KHDRBS2: variants seen among roughly 807,000 people sequenced by gnomAD.
KHDRBS2 encodes the protein KH RNA binding domain containing, signal transduction associated 2, also known as KH domain-containing, RNA-binding, signal transduction-associated protein 2.
KHDRBS2 carries 26 observed loss-of-function variants against 44.3 expected under a neutral mutation model. The ratio of observed to expected loss-of-function variants is 0.59; its 90% CI spans 0.43 to 0.81. The LOEUF is 0.81. Among genes scored for constraint, KHDRBS2 ranks in the 40% least tolerant of loss-of-function variants. KHDRBS2 has a pLI of 0.00. For synonymous variants in KHDRBS2, 194 were observed against 151.1 expected, an observed-to-expected ratio of 1.28 and a Z score of -2.08; for missense variants, 476 against 433.1, an observed-to-expected ratio of 1.10 and a Z score of -0.88.
chr6:61,543,850 C>A, the KHDRBS2 span, among the ~76,000 whole-genome samples: 1 of 152,004 alleles, frequency 6.6e-6, no homozygotes, highest in African/African-American at 2.4e-5. Flanking sequence ...ATGCCAGGCA[C>A]AGAAACACAA....
chr6:61,594,387 G>A, the KHDRBS2 span, among the ~76,000 whole-genome samples: 2 of 152,126 alleles, frequency 1.3e-5, no homozygotes, highest in South Asian at 2.1e-4. Context: ...TAGTCCAATT[G>A]TATGATCTTA....
chr6:61,726,820 C>T (rs1329065273), intron 7 of KHDRBS2, among the ~76,000 whole-genome samples: 1 of 152,044 alleles, frequency 6.6e-6, no homozygotes, highest in Non-Finnish European at 1.5e-5. Context: ...TAGGAAGAAT[C>T]AATATCATGA....
chr6:61,901,014 T>G (rs1198862164), intron 5 of KHDRBS2, among the ~76,000 whole-genome samples: 6 of 151,588 alleles, frequency 4.0e-5, no homozygotes, highest in Non-Finnish European at 5.9e-5. Flanking sequence ...CTTTCTCTAC[T>G]TCAATTTCTC....
At chr6:61,827,995 T>TC (rs1279286299) in intron 6 of KHDRBS2, among the ~76,000 whole-genome samples, 1 of 151,912 alleles carries the variant, frequency 6.6e-6, no homozygotes, top group Non-Finnish European at 1.5e-5. Context: ...ACAATTTAAA[T>TC]CCCCCCTGTT....
chr6:61,870,380 C>T (rs1798488123), intron 6 of KHDRBS2, among the ~76,000 whole-genome samples: 1 of 152,166 alleles, frequency 6.6e-6, no homozygotes, highest in Non-Finnish European at 1.5e-5. Flanking sequence ...GAAAAAAAGG[C>T]AGCAGCCTCA....
At chr6:62,114,026 A>G (rs555144395) in intron 2 of KHDRBS2, among the ~76,000 whole-genome samples, 38 of 152,216 alleles carry the variant, frequency 2.5e-4, no homozygotes, top group African/African-American at 8.4e-4. Flanking sequence ...GGCAGGAGAG[A>G]TAAGCGCAAA....
intron 7 of KHDRBS2, among the ~76,000 whole-genome samples, chr6:61,718,276 T>A (rs1771775144): frequency 6.6e-6 from 1 of 152,094 alleles, no homozygotes; most frequent in Admixed American, 6.6e-5. Context: ...AACCTATTTT[T>A]CCACCAAATG....
At chr6:61,958,068 A>G (rs571627077) in intron 4 of KHDRBS2, among the ~76,000 whole-genome samples, 3 of 152,142 alleles carry the variant, frequency 2.0e-5, no homozygotes, top group Non-Finnish European at 4.4e-5. Context: ...CCTATTCTCA[A>G]TCATAAAGTT....
intron 1 of KHDRBS2, among the ~76,000 whole-genome samples, chr6:62,244,134 G>A (rs1483503683): frequency 6.6e-6 from 1 of 152,038 alleles, no homozygotes; most frequent in African/African-American, 2.4e-5. Context: ...TTTGCCAACA[G>A]TTTATGTAGG....
chr6:61,581,515 T>A, the KHDRBS2 span, among the ~76,000 whole-genome samples: 1 of 148,730 alleles, frequency 6.7e-6, no homozygotes, highest in Non-Finnish European at 1.5e-5. Flanking sequence ...AAATAATGTA[T>A]ATATAATATA....
At chr6:61,563,115 C>T in the KHDRBS2 span, among the ~76,000 whole-genome samples, 2 of 152,094 alleles carry the variant, frequency 1.3e-5, no homozygotes, top group African/African-American at 4.8e-5. Flanking sequence ...ACTGGTTCCC[C>T]AGCTATCTTT....
the KHDRBS2 span, among the ~76,000 whole-genome samples, chr6:61,552,193 G>A: frequency 6.6e-6 from 1 of 152,046 alleles, no homozygotes; most frequent in South Asian, 2.1e-4. Flanking sequence ...ATTTCTTTGA[G>A]TAGTGTTTTG....
At chr6:61,987,470 A>C (rs778314085) in intron 3 of KHDRBS2, among the ~76,000 whole-genome samples, 2 of 152,156 alleles carry the variant, frequency 1.3e-5, no homozygotes, top group African/African-American at 4.8e-5. Context: ...TCAGAGTTAT[A>C]ATTTACTAAA....
chr6:62,156,505 CTT>C (rs984776227), intron 2 of KHDRBS2, among the ~76,000 whole-genome samples: 2 of 152,016 alleles, frequency 1.3e-5, no homozygotes, highest in Admixed American at 1.3e-4. Context: ...AAAATAAAAA[CTT>C]TTAAGACTGT....
chr6:62,252,148 CA>C (rs569190643), intron 1 of KHDRBS2, among the ~76,000 whole-genome samples: 2 of 151,396 alleles, frequency 1.3e-5, no homozygotes, highest in African/African-American at 4.8e-5. Context: ...TAGGCTTTGA[CA>C]AAAAAATAAA....
At chr6:61,543,484 T>C in the KHDRBS2 span, among the ~76,000 whole-genome samples, 35 of 152,132 alleles carry the variant, frequency 2.3e-4, no homozygotes, top group Non-Finnish European at 4.1e-4. Flanking sequence ...GGAACCCTCA[T>C]ACACTAATTG....
At chr6:61,957,329 A>T (rs1767601035) in intron 4 of KHDRBS2, among the ~76,000 whole-genome samples, 5 of 152,210 alleles carry the variant, frequency 3.3e-5, no homozygotes, top group Admixed American at 2.6e-4. Flanking sequence ...AGCAATGTTC[A>T]GGGAACAAGG....
chr6:61,823,351 A>G (rs1361810822), intron 6 of KHDRBS2, among the ~76,000 whole-genome samples: 1 of 152,040 alleles, frequency 6.6e-6, no homozygotes, highest in South Asian at 2.1e-4. Context: ...AACCAAATAC[A>G]TTTTCTGATA....
chr6:62,182,821 T>C (rs1371955809), intron 1 of KHDRBS2, among the ~76,000 whole-genome samples: 3 of 151,918 alleles, frequency 2.0e-5, no homozygotes, highest in African/African-American at 7.2e-5. Context: ...CTCCCCTATA[T>C]GTATAGTTTA....
Sources: allele counts gnomAD v4.1 joint callset (sites outside exome capture counted in the v4.1 genomes callset), GRCh38; gene constraint gnomAD v4.1.1; transcripts MANE v1.5; gene names NCBI Gene and HGNC (gene_info 2026-07-23, HGNC 2026-07-21).